STRN4: variants seen among roughly 807,000 people sequenced by gnomAD.
The protein encoded by STRN4 is striatin-4.
STRN4 carries 27 observed loss-of-function variants against 77.9 expected under a neutral mutation model. That is an observed-to-expected ratio of 0.35 (90% CI 0.26 to 0.48). The LOEUF (loss-of-function observed/expected upper bound fraction) is 0.48, where lower values mean the gene tolerates loss of function less well. Among genes scored for constraint, STRN4 ranks in the 20% least tolerant of loss-of-function variants. The pLI is 0.99. For missense variants in STRN4, 798 were observed against 1,049.7 expected (o/e 0.76, Z 3.31); for synonymous variants, 466 against 443.1 (o/e 1.05, Z -0.65).
chr19:46,736,698 G>A (rs1039518322), intron 4 of STRN4, 125 bp downstream of exon 4: 29 of 1,036,958 alleles, frequency 2.8e-5, no homozygotes, highest in Middle Eastern at 2.2e-4. Context: ...TCCAGCCATG[G>A]CTGGCTAAGA....
intron 9 of STRN4, among the ~76,000 whole-genome samples, 177 bp downstream of exon 9, chr19:46,727,275 G>A (rs908324918): frequency 6.6e-6 from 1 of 152,164 alleles, no homozygotes; most frequent in Non-Finnish European, 1.5e-5. Flanking sequence ...ACAGGCTCCA[G>A]AGTCTTCCAG....
At position 46,722,321 on chromosome 19, in the gene STRN4, T is replaced by G. The variant is rs764455048; in HGVS notation, c.1926A>C (p.Gln642His). ...RGSSGPTQIN[Q>H]VVSHPNQPLT... ...GAGGCTGGTTTGGATGACTCACCAC[T>G]TGGTTGATCTGGGTTGGACCTGAAG... Residue 642 changes from glutamine to histidine, a missense_variant, in exon 15 of 18, where the codon CAA becomes CAC. Coordinates refer to ENST00000263280, the MANE Select transcript of STRN4 (RefSeq NM_013403.3). The G allele has an allele frequency of 4.3e-6, 7 of 1,613,892 alleles. No homozygotes were observed. The highest frequency in any genetic ancestry group is 5.9e-6 in the Non-Finnish European group (7 of 1,179,968).
At chr19:46,735,598 A>G (rs750507618) in intron 4 of STRN4, among the ~76,000 whole-genome samples, 1 of 152,224 alleles carries the variant, frequency 6.6e-6, no homozygotes, top group Non-Finnish European at 1.5e-5. Flanking sequence ...AGAAATTATG[A>G]GTGATTTTTC....
At chr19:46,724,656 G>T in intron 12 of STRN4, 151 bp downstream of exon 12, 9 of 1,208,152 alleles carry the variant, frequency 7.4e-6, no homozygotes, top group Non-Finnish European at 9.2e-6. Flanking sequence ...GCGCTGCATC[G>T]CGCTGCTCAC....
chr19:46,728,814 TC>T, intron 6 of STRN4, 37 bp from the exon 7 acceptor site: 1 of 1,610,606 alleles, frequency 6.2e-7, no homozygotes, highest in Non-Finnish European at 8.5e-7. Context: ...TCAGGGGGCC[TC>T]TTGTCCAGAG....
At chr19:46,736,715 T>C (rs78575228) in intron 4 of STRN4, 108 bp downstream of exon 4, 31,542 of 1,161,850 alleles carry the variant, frequency 0.027, 571 homozygotes, top group Non-Finnish European at 0.032. Flanking sequence ...AAGATCCTGA[T>C]AGTTCAGCAT....
At chr19:46,731,709 C>T (rs983511330) in intron 5 of STRN4, 3 of 152,492 alleles carry the variant, frequency 2.0e-5, no homozygotes, top group African/African-American at 7.2e-5. Context: ...CACCGGCCTT[C>T]CTCCCACAAC....
At chr19:46,725,216 CAG>C (rs2054080711) in intron 11 of STRN4, 114 bp downstream of exon 11, 1 of 1,434,890 alleles carries the variant, frequency 7.0e-7, no homozygotes. Context: ...GGCGGGGACT[CAG>C]AGCCCCCTGC....
In STRN4 at chr19:46,733,951, AAC is replaced by A; in HGVS notation, c.540-717_540-716del. On this transcript the variant is annotated intron_variant, in intron 4 of 17. Transcript: ENST00000263280. This position sits in a 1 kb window ranked among gnomAD's most constrained non-coding sequence, Gnocchi z 4.3. ...ATCTGTGGCTTCAAAATACAGCGAC[AAC>A]AGTCCCTTGCTACTCCTCAGGAGGC... 6.6e-6 allele frequency: 1 copy of A among 152,388 alleles called. No homozygotes were observed. The highest frequency in any genetic ancestry group is 2.4e-5 in the African/African-American group (1 of 41,582). 9.4% of individuals were successfully genotyped at this position (152,388 alleles called of 1,614,324 possible).
chr19:46,742,228 C>T (rs73565201), intron 1 of STRN4, among the ~76,000 whole-genome samples: 4,748 of 152,254 alleles, frequency 0.031, 219 homozygotes, highest in African/African-American at 0.092. Flanking sequence ...TGCTCATTAT[C>T]AGACTGCAGC....
chr19:46,736,451 A>G (rs1401136477), intron 4 of STRN4: 1 of 186,266 alleles, frequency 5.4e-6, no homozygotes, highest in Non-Finnish European at 1.1e-5. Context: ...AAATAATTTA[A>G]TATTACCCTT....
chr19:46,720,449 C>T, intron 17 of STRN4, 87 bp downstream of exon 17: 1 of 962,032 alleles, frequency 1.0e-6, no homozygotes, highest in Non-Finnish European at 1.4e-6. Context: ...TCACAGGACG[C>T]CCCTGACTGG....
At chr19:46,735,135 G>A (rs2054333942) in intron 4 of STRN4, among the ~76,000 whole-genome samples, 1 of 151,940 alleles carries the variant, frequency 6.6e-6, no homozygotes, top group Non-Finnish European at 1.5e-5. Flanking sequence ...GTAAAACGCT[G>A]TCTTTACTAA....
rs941382201 is a variant in STRN4 at position 46,719,848 on chromosome 19, G to A, written c.*557C>T. 6.6e-6 allele frequency: 1 copy of A among 152,228 alleles called. No individual in the cohort carries two copies. The highest frequency in any genetic ancestry group is 2.4e-5 in the African/African-American group (1 of 41,432). The allele number at this position is 152,228 out of a possible 1,614,324, so 9.4% of individuals were successfully genotyped here. The stretch of plus-strand genomic sequence containing the variant: ...GGGCGACCCCATGGGGCGCTGGGAG[G>A]GCTGCCCTAGGAGTGTTGGGCAATC... On this transcript the variant is annotated 3_prime_UTR_variant, in exon 18 of 18. Coordinates refer to ENST00000263280, the MANE Select transcript of STRN4 (RefSeq NM_013403.3).
intron 14 of STRN4, 124 bp from the exon 15 acceptor site, chr19:46,722,464 G>A (rs2054001297): frequency 9.6e-7 from 1 of 1,037,352 alleles, no homozygotes; most frequent in Non-Finnish European, 1.4e-6. Context: ...GGGGGGCTGG[G>A]CGAGGGCACT....
Position 46,733,469 on chromosome 19 carries a change from G to C in STRN4, c.540-233C>G, listed in dbSNP as rs2054296562. 1 of 526,156 alleles carries C rather than the reference G, an allele frequency of 1.9e-6. No homozygotes were observed. Among genetic ancestry groups the C allele is most frequent in the African/African-American group, 1.9e-5 (1 of 52,222 alleles). 32.6% of individuals were successfully genotyped at this position (526,156 alleles called of 1,614,324 possible). A position where few individuals can be genotyped will look rare whatever the true frequency, so the allele number is the denominator to read the frequency against. The stretch of plus-strand genomic sequence containing the variant: ...GGTGCTCCCTGCACTGCTGTATGGG[G>C]AAGCCGAAGCACAGGGACCAGCCTC... On this transcript the variant is annotated intron_variant, in intron 4 of 17. Transcript: ENST00000263280. This position sits in a 1 kb window ranked among gnomAD's most constrained non-coding sequence, Gnocchi z 4.3.
Position 46,720,269 on chromosome 19 carries a change from A to G in STRN4, c.*136T>C, listed in dbSNP as rs773315390. 37 of 227,130 alleles carry G rather than the reference A, an allele frequency of 1.6e-4. No homozygotes were observed. Among genetic ancestry groups the G allele is most frequent in the Non-Finnish European group, 1.7e-4 (20 of 116,960 alleles). 14.1% of individuals were successfully genotyped at this position (227,130 alleles called of 1,614,324 possible). A position where few individuals can be genotyped will look rare whatever the true frequency, so the allele number is the denominator to read the frequency against. ...AGGGATTCCTGGGGAAAGGGCCGTT[A>G]GCACCACCAGGCTCCATGGCAAACA... is the stretch of plus-strand genomic sequence containing the variant. On this transcript the variant is annotated 3_prime_UTR_variant, in exon 18 of 18. Transcript: ENST00000263280.
chr19:46,722,978 T>A lies in STRN4; in HGVS notation c.1766-28A>T, dbSNP rs2054016403. The stretch of plus-strand genomic sequence containing the variant: ...GAGGGCACAGGGAAGAGAAGGCTGC[T>A]GAATGGACCCTCAGACCCAGCCCTG... On this transcript the variant is annotated intron_variant, in intron 13 of 17. Transcript: ENST00000263280. 3 of 1,612,130 alleles carry A rather than the reference T, an allele frequency of 1.9e-6. No individual in the cohort carries two copies. In the African/African-American group the frequency reaches 4.0e-5, roughly 22 times the overall value.
At chr19:46,736,924 C>T (rs1316984865) in intron 3 of STRN4, 23 bp from the exon 4 acceptor site, 3 of 1,608,632 alleles carry the variant, frequency 1.9e-6, no homozygotes, top group South Asian at 1.1e-5. Flanking sequence ...AGAACGGAGG[C>T]TGTCTTAAGT....
Sources: gnomAD v4.1 joint callset for allele counts (sites outside exome capture counted in the v4.1 genomes callset) on GRCh38, gnomAD v4.1.1 for gene constraint, Gnocchi (gnomAD v3.1) non-coding constraint, MANE v1.5 for transcripts, NCBI Gene and HGNC (gene_info 2026-07-23, HGNC 2026-07-21) for gene names.